Variants in FBXO21 observed in about 807,000 individuals in gnomAD.
The protein encoded by FBXO21 is F-box only protein 21.
A neutral mutation model predicts 76.6 loss-of-function variants in FBXO21; 32 were observed. The ratio of observed to expected loss-of-function variants is 0.42; its 90% confidence interval spans 0.32 to 0.56. The LOEUF (loss-of-function observed/expected upper bound fraction) is 0.56. FBXO21 is among the 20% of genes least tolerant of loss of function. The pLI, the probability that FBXO21 is intolerant of heterozygous loss-of-function variation, is 0.16. For synonymous variants in FBXO21, 328 were observed against 311.5 expected (o/e 1.05, Z -0.56); for missense variants, 586 against 797.3 (o/e 0.73, Z 3.19).
chr12:117,189,462 G>A, intron 1 of FBXO21, 100 bp from the exon 2 acceptor site: 1 of 1,290,884 alleles, frequency 7.7e-7, no homozygotes. Flanking sequence ...GTGGCGTCCA[G>A]TGGTAAGAGG....
Position 117,189,274 on chromosome 12 carries a change from C to A in FBXO21, c.328G>T (p.Ala110Ser). 6.2e-6 allele frequency: 10 copies of A among 1,614,234 alleles called. No individual in the cohort carries two copies. The highest frequency in any genetic ancestry group is 8.5e-6 in the Non-Finnish European group (10 of 1,180,038). The change falls in exon 2 of 12, where the codon GCG becomes TCG. Residue 110 changes from alanine to serine, a missense_variant. By Grantham distance (99) the Ala-to-Ser change is moderately conservative. This residue lies in a region of FBXO21 where 246 missense variants were observed against 356.8 expected (regional missense o/e 0.69). Transcript: ENST00000622495. ...GAGAACGAGGCTACAATCTTCCGCG[C>A]TTCTAACCCAGCTTTTTGCCGAACT... ...YKVRQKAGLE[A>S]RKIVASFSKR...
intron 9 of FBXO21, among the ~76,000 whole-genome samples, chr12:117,159,120 G>A (rs1955948839): frequency 6.6e-6 from 1 of 152,026 alleles, no homozygotes; most frequent in African/African-American, 2.4e-5. Context: ...TCAAAGTATT[G>A]TGAAAACTCC....
chr12:117,158,233 C>CA, intron 9 of FBXO21, 170 bp from the exon 10 acceptor site: 1 of 696,194 alleles, frequency 1.4e-6, no homozygotes, highest in Non-Finnish European at 2.4e-6. Flanking sequence ...TCTGATGGAC[C>CA]GCCACCAAAT....
At chr12:117,152,565 T>TA (rs1955856840) in intron 11 of FBXO21, among the ~76,000 whole-genome samples, 1 of 151,194 alleles carries the variant, frequency 6.6e-6, no homozygotes, top group South Asian at 2.1e-4. Context: ...GAACTGTCTT[T>TA]AATAAGAGAG....
intron 11 of FBXO21, among the ~76,000 whole-genome samples, chr12:117,151,096 T>C (rs1202494478): frequency 6.6e-6 from 1 of 152,058 alleles, no homozygotes; most frequent in Non-Finnish European, 1.5e-5. Flanking sequence ...GGACATGCCA[T>C]GTGCCAAGCA....
At chr12:117,189,444 G>A in intron 1 of FBXO21, 82 bp from the exon 2 acceptor site, 2 of 1,506,408 alleles carry the variant, frequency 1.3e-6, no homozygotes, top group Middle Eastern at 1.7e-4. Flanking sequence ...TTGGAAACAG[G>A]GACAGCAGTG....
intron 11 of FBXO21, among the ~76,000 whole-genome samples, chr12:117,147,164 C>A (rs901104208): frequency 3.3e-5 from 5 of 151,560 alleles, no homozygotes; most frequent in African/African-American, 4.9e-5. Flanking sequence ...ATCGCTTGAA[C>A]CTGGGAGGAG....
At chr12:117,178,595 CT>C (rs1253641288) in intron 3 of FBXO21, among the ~76,000 whole-genome samples, 2 of 152,220 alleles carry the variant, frequency 1.3e-5, no homozygotes, top group East Asian at 3.9e-4. Flanking sequence ...ATTCCTGCCA[CT>C]CCCCCTCAGT....
intron 3 of FBXO21, among the ~76,000 whole-genome samples, 155 bp downstream of exon 3, chr12:117,186,322 T>A (rs906791867): frequency 5.9e-5 from 9 of 152,234 alleles, no homozygotes; most frequent in Admixed American, 5.9e-4. Context: ...TCTTGGTGTA[T>A]CTACCTAATA....
chr12:117,158,275 C>T (rs181900383), intron 9 of FBXO21, among the ~76,000 whole-genome samples: 216 of 152,282 alleles, frequency 1.4e-3, no homozygotes, highest in African/African-American at 4.9e-3. Context: ...TTGGGCTCTA[C>T]TGTAACACTG....
intron 11 of FBXO21, among the ~76,000 whole-genome samples, chr12:117,149,336 T>C (rs919492387): frequency 3.3e-5 from 5 of 152,038 alleles, no homozygotes; most frequent in Non-Finnish European, 5.9e-5. Context: ...ACAGAAATAG[T>C]AGAGGGTAAA....
intron 11 of FBXO21, among the ~76,000 whole-genome samples, chr12:117,147,119 G>C (rs1351284202): frequency 1.3e-5 from 2 of 151,804 alleles, no homozygotes; most frequent in Non-Finnish European, 2.9e-5. Context: ...GTGCACTCCT[G>C]TAGTCTCAGC....
chr12:117,180,271 A>G lies in FBXO21; in HGVS notation c.471-2630T>C, dbSNP rs75247941. Among the ~76,000 whole-genome samples, 294 of 152,354 alleles carry G rather than the reference A, an allele frequency of 1.9e-3. 5 individuals carry two copies. The highest frequency in any genetic ancestry group is 0.016 in the East Asian group (83 of 5,188). On this transcript the variant is annotated intron_variant, in intron 3 of 11. Coordinates refer to ENST00000622495, the MANE Select transcript of FBXO21 (RefSeq NM_015002.3). ...ACAATCTGGAAACCAGGGAAGATCA[A>G]TTCCACTAGGTTGGTTATTATTTCT... is the stretch of plus-strand genomic sequence containing the variant.
At chr12:117,176,310 G>A (rs1477490891) in intron 4 of FBXO21, among the ~76,000 whole-genome samples, 1 of 152,194 alleles carries the variant, frequency 6.6e-6, no homozygotes, top group Non-Finnish European at 1.5e-5. Flanking sequence ...GAATTATGGA[G>A]GGGGAGTAGG....
chr12:117,172,051 G>C lies in FBXO21; in HGVS notation c.1013+420C>G, dbSNP rs181541963. Among the ~76,000 whole-genome samples the C allele has an allele frequency of 3.3e-5, 5 of 152,264 alleles. No homozygotes were observed. In the East Asian group the frequency reaches 9.6e-4, roughly 29 times the overall value. On this transcript the variant is annotated intron_variant, in intron 7 of 11. Transcript: ENST00000622495. Reference sequence around the variant, plus strand: ...CCTCTCCCACTCATGTGGGACAAAGGGGGAGATTTTACGGAAGAATGAAAA... The same window carrying C: ...CCTCTCCCACTCATGTGGGACAAAGCGGGAGATTTTACGGAAGAATGAAAA...
chr12:117,179,372 TACCATGAAATATACATCCCTAAAC>T, intron 3 of FBXO21, among the ~76,000 whole-genome samples: 1 of 152,334 alleles, frequency 6.6e-6, no homozygotes, highest in East Asian at 1.9e-4. Context: ...TCTTTAGTAT[TACCATGAAATATACATCCCTAAAC>T]AGGCGAGTCT....
In FBXO21 at chr12:117,190,392, G is replaced by A. The variant is rs1190913010; in HGVS notation, c.65C>T (p.Pro22Leu). The part of the protein sequence containing the change: ...VVPALAEEAA[P>L]EVAGLSCLVN... ...GAGGCAGCTGAGGCCCGCTACCTCC[G>A]GCGCGGCCTCCTCCGCCAGCGCCGG... Residue 22 changes from proline to leucine, a missense_variant, in exon 1 of 12, where the codon CCG (proline) becomes CTG (leucine). By Grantham distance (98) the Pro-to-Leu change is moderately conservative. Transcript: ENST00000622495. The A allele has an allele frequency of 2.0e-6, 3 of 1,500,442 alleles. No homozygotes were observed. The highest frequency in any genetic ancestry group is 2.6e-6 in the Non-Finnish European group (3 of 1,132,950). The allele number at this position is 1,500,442 out of a possible 1,614,324, so 92.9% of individuals were successfully genotyped here.
At chr12:117,177,346 A>G (rs914714994) in intron 4 of FBXO21, among the ~76,000 whole-genome samples, 174 bp downstream of exon 4, 3 of 152,244 alleles carry the variant, frequency 2.0e-5, no homozygotes, top group Non-Finnish European at 2.9e-5. Flanking sequence ...TAAATTTAAT[A>G]GTTTGAACTA....
At chr12:117,147,950 A>T (rs1955796694) in intron 11 of FBXO21, among the ~76,000 whole-genome samples, 1 of 152,238 alleles carries the variant, frequency 6.6e-6, no homozygotes. Context: ...AATTAATACC[A>T]GTAAGGCCAA....
Sources: gnomAD v4.1 joint callset for allele counts (sites outside exome capture counted in the v4.1 genomes callset) on GRCh38, gnomAD v4.1.1 for gene constraint, gnomAD v4.1.1 regional missense constraint, MANE v1.5 for transcripts, NCBI Gene and HGNC (gene_info 2026-07-23, HGNC 2026-07-21) for gene names.